Variants in SECISBP2L observed in about 807,000 individuals in gnomAD.
The protein encoded by SECISBP2L is SECIS binding protein 2 like, also known as selenocysteine insertion sequence-binding protein 2-like.
In SECISBP2L, 43 loss-of-function variants were observed where a neutral mutation model predicts 114.7. The ratio of observed to expected loss-of-function variants is 0.38; its 90% confidence interval spans 0.29 to 0.48. The LOEUF is 0.48. Among genes scored for constraint, SECISBP2L ranks in the 20% least tolerant of loss-of-function variants. The pLI, the probability that SECISBP2L is intolerant of heterozygous loss-of-function variation, is 0.98. For missense variants in SECISBP2L, 1,136 were observed against 1,301.1 expected, an observed-to-expected ratio of 0.87 and a Z score of 1.95; for synonymous variants, 451 against 439.7, an observed-to-expected ratio of 1.03 and a Z score of -0.32.
chr15:49,012,614 T>C, intron 12 of SECISBP2L, 34 bp downstream of exon 12: 1 of 1,601,468 alleles, frequency 6.2e-7, no homozygotes, highest in Non-Finnish European at 8.5e-7. Flanking sequence ...TTATTCATCC[T>C]ATAAAATAAA....
rs759933425 is a variant in SECISBP2L, at chr15:49,019,483, T to C, written c.1105A>G (p.Asn369Asp). The C allele has an allele frequency of 6.6e-7, 1 of 1,512,858 alleles. No individual in the cohort carries two copies. Among genetic ancestry groups the C allele is most frequent in the East Asian group, 2.6e-5 (1 of 38,924 alleles). The allele number at this position is 1,512,858 out of a possible 1,614,324, so 93.7% of individuals were successfully genotyped here. ...RRQNLQKRPD[N>D]KHLSSSQSHR... is the part of the protein sequence containing the mutation. ...GATTGACTAGAGCTTAAATGCTTATTATCTGGTCTCTTTTGCAAATTCTGT... is the reference window on the plus strand; with the variant it reads ...GATTGACTAGAGCTTAAATGCTTATCATCTGGTCTCTTTTGCAAATTCTGT... The change falls in exon 8 of 18, where the codon AAT (asparagine) becomes GAT (aspartate). Residue 369 changes from asparagine to aspartate, a missense_variant. Physicochemically the swap from Asn to Asp is conservative, Grantham distance 23. Around this residue, in one of 2 missense-constraint regions of SECISBP2L, gnomAD observed 452 missense variants for 452.3 expected, o/e 1.00. Transcript: ENST00000559471.
chr15:49,033,195 A>G, intron 3 of SECISBP2L, 95 bp from the exon 4 acceptor site: 4 of 1,367,618 alleles, frequency 2.9e-6, no homozygotes, highest in Non-Finnish European at 3.9e-6. Flanking sequence ...ATTATAAAAT[A>G]CACATCTTAA....
intron 7 of SECISBP2L, among the ~76,000 whole-genome samples, chr15:49,025,632 T>C (rs1902726242): frequency 6.6e-6 from 1 of 151,968 alleles, no homozygotes; most frequent in East Asian, 1.9e-4. Flanking sequence ...CATGAAAAAA[T>C]GCTCAGCATC....
intron 1 of SECISBP2L, among the ~76,000 whole-genome samples, chr15:49,040,532 T>C (rs1473701328): frequency 8.3e-6 from 1 of 120,734 alleles, no homozygotes; most frequent in Non-Finnish European, 1.8e-5. Context: ...CTATTCTTTT[T>C]TTTTTTTTTT....
rs530819509 is a variant in SECISBP2L, at chr15:49,031,445, T to A, written c.664+1520A>T. ...GTTATTGTTAATGACATCTTTTTTT[T>A]AAATTTTGTGGGTGGCAAACTGAAA... On this transcript the variant is annotated intron_variant, in intron 4 of 17. Transcript: ENST00000559471. 1.2e-3 allele frequency among the ~76,000 whole-genome samples: 178 copies of A among 152,294 alleles called. 1 individual carries two copies. Among genetic ancestry groups the A allele is most frequent in the Non-Finnish European group, 2.3e-3 (156 of 68,020 alleles).
chr15:48,996,688 T>C, intron 16 of SECISBP2L, 102 bp from the exon 17 acceptor site: 1 of 769,276 alleles, frequency 1.3e-6, no homozygotes, highest in Non-Finnish European at 2.0e-6. Flanking sequence ...GGTCAGACAC[T>C]TTCAATGAGG....
At chr15:48,994,962 A>C (rs1260444874) in intron 17 of SECISBP2L, among the ~76,000 whole-genome samples, 4 of 152,134 alleles carry the variant, frequency 2.6e-5, no homozygotes, top group African/African-American at 7.2e-5. Context: ...ACATTTCAAC[A>C]GTTTTTTTTT....
In SECISBP2L at chr15:49,046,372, C is replaced by G; in HGVS notation, c.-73G>C. 7.2e-7 allele frequency: 1 copy of G among 1,393,866 alleles called. No individual in the cohort carries two copies. The highest frequency in any genetic ancestry group is 1.5e-5 in the South Asian group (1 of 64,984). The allele number at this position is 1,393,866 out of a possible 1,614,324, so 86.3% of individuals were successfully genotyped here. ...CTCGGGCCGCTTTCTCCATGGCCCC[C>G]CGCTCGGGTCCAGACTGGGTTCCGG... On this transcript the variant is annotated 5_prime_UTR_variant, in exon 1 of 18. Coordinates refer to ENST00000559471, the MANE Select transcript of SECISBP2L (RefSeq NM_001193489.2).
chr15:49,006,559 T>C (rs778974195), intron 14 of SECISBP2L, among the ~76,000 whole-genome samples: 1 of 152,190 alleles, frequency 6.6e-6, no homozygotes, highest in Non-Finnish European at 1.5e-5. Context: ...TACTTGTGTA[T>C]GCTTCAGGAA....
intron 13 of SECISBP2L, among the ~76,000 whole-genome samples, chr15:49,010,218 C>CT (rs565190391): frequency 1.2e-3 from 170 of 143,596 alleles, no homozygotes; most frequent in South Asian, 9.8e-3. Flanking sequence ...TCTTAGAAAT[C>CT]TTTTTTTTTT....
intron 1 of SECISBP2L, among the ~76,000 whole-genome samples, chr15:49,045,171 T>C (rs1040243684): frequency 5.3e-5 from 8 of 152,048 alleles, no homozygotes; most frequent in Non-Finnish European, 1.2e-4. Context: ...TACATTCACA[T>C]AAAGCTTTTT....
intron 13 of SECISBP2L, 34 bp from the exon 14 acceptor site, chr15:49,009,412 GA>G: frequency 6.3e-7 from 1 of 1,590,478 alleles, no homozygotes; most frequent in Non-Finnish European, 8.6e-7. Flanking sequence ...AAAAAATTTA[GA>G]AACTTCAAAT....
chr15:49,029,471 C>G (rs1414708608), intron 4 of SECISBP2L, among the ~76,000 whole-genome samples: 1 of 152,144 alleles, frequency 6.6e-6, no homozygotes. Flanking sequence ...CCTGCCACAC[C>G]TCAACACTGG....
At chr15:49,005,474 T>C (rs1902298970) in intron 14 of SECISBP2L, among the ~76,000 whole-genome samples, 1 of 151,978 alleles carries the variant, frequency 6.6e-6, no homozygotes, top group Non-Finnish European at 1.5e-5. Context: ...TTGATCCCTT[T>C]ACCATTATGT....
chr15:49,010,153 A>ACACACACACACACACACC (rs1190593953), intron 13 of SECISBP2L, among the ~76,000 whole-genome samples: 4 of 147,474 alleles, frequency 2.7e-5, no homozygotes, highest in East Asian at 4.0e-4. Context: ...ACACACACAC[A>ACACACACACACACACACC]CCCCTCTTGC....
At chr15:49,032,922 CAG>C (rs1358720825) in intron 4 of SECISBP2L, 41 bp downstream of exon 4, 2 of 1,599,028 alleles carry the variant, frequency 1.3e-6, no homozygotes, top group East Asian at 2.2e-5. Flanking sequence ...TGAATGAAAA[CAG>C]ATAAAAATCA....
rs746743679 is a variant in SECISBP2L at position 49,009,366 on chromosome 15, C to T, written c.1877G>A (p.Ser626Asn). 1.2e-6 allele frequency: 2 copies of T among 1,613,552 alleles called. No homozygotes were observed. Among genetic ancestry groups the T allele is most frequent in the Admixed American group, 3.3e-5 (2 of 59,946 alleles). Residue 626 changes from serine to asparagine, a missense_variant, in exon 14 of 18, where the codon AGC (serine) becomes AAC (asparagine). Transcript: ENST00000559471. ...EIVSQEDTGL[S>N]MPSDTSLSPA... ...AGAGAGTGAAGTATCACTGGGCATG[C>T]TTAGTCCAGTATCTGTGGAGATGTG...
chr15:49,016,044 G>A (rs1190890724), intron 11 of SECISBP2L, among the ~76,000 whole-genome samples: 1 of 152,166 alleles, frequency 6.6e-6, no homozygotes, highest in African/African-American at 2.4e-5. Context: ...GAATGGTGAC[G>A]AAGGCAAAAA....
At chr15:49,021,671 G>T (rs1411606292) in intron 7 of SECISBP2L, among the ~76,000 whole-genome samples, 2 of 152,162 alleles carry the variant, frequency 1.3e-5, no homozygotes, top group African/African-American at 4.8e-5. Flanking sequence ...TAGTATATAT[G>T]TATTAACGGT....
Sources: allele counts gnomAD v4.1 joint callset (sites outside exome capture counted in the v4.1 genomes callset), GRCh38; gene constraint gnomAD v4.1.1; regional missense constraint gnomAD v4.1.1; transcripts MANE v1.5; gene names NCBI Gene and HGNC (gene_info 2026-07-23, HGNC 2026-07-21).